FNDC7: variants seen among roughly 807,000 people sequenced by gnomAD.
FNDC7 encodes the protein fibronectin type III domain containing 7.
Under a neutral mutation model 74.2 loss-of-function variants are expected in FNDC7, and 66 were observed. The ratio of observed to expected loss-of-function variants is 0.89; its 90% CI spans 0.73 to 1.09. The LOEUF is 1.09. Among genes scored for constraint, FNDC7 ranks in the 50% least tolerant of loss-of-function variants. The pLI is 0.00. For missense variants in FNDC7, 829 were observed against 893.4 expected, an observed-to-expected ratio of 0.93 and a Z score of 0.92; for synonymous variants, 307 against 330.2, an observed-to-expected ratio of 0.93 and a Z score of 0.76.
chr1:108,716,452 G>C (rs1215993261), intron 2 of FNDC7, among the ~76,000 whole-genome samples: 4 of 150,450 alleles, frequency 2.7e-5, no homozygotes, highest in Non-Finnish European at 5.9e-5. Context: ...TATAGAATTG[G>C]CTTCCACTGG....
chr1:108,741,851 G>A lies in FNDC7; in HGVS notation c.*37+10G>A, dbSNP rs376316830. The A allele has an allele frequency of 7.5e-5, 120 of 1,590,628 alleles. No individual in the cohort carries two copies. Among genetic ancestry groups the A allele is most frequent in the Admixed American group, 1.4e-4 (8 of 58,454 alleles). On this transcript the variant is annotated intron_variant, in intron 12 of 12. Coordinates refer to ENST00000370017, the MANE Select transcript of FNDC7 (RefSeq NM_001144937.3). ...ACAAAAACTTGACCAAGTGAGTAACGTAAATTGATTTTGTGTGATTTTATG... is the reference window on the plus strand; with the variant it reads ...ACAAAAACTTGACCAAGTGAGTAACATAAATTGATTTTGTGTGATTTTATG...
chr1:108,728,511 C>A, intron 7 of FNDC7, 121 bp from the exon 8 acceptor site: 1 of 1,147,706 alleles, frequency 8.7e-7, no homozygotes, highest in Non-Finnish European at 1.3e-6. Flanking sequence ...ATTTGGCCCG[C>A]ATGCATGACG....
intron 2 of FNDC7, among the ~76,000 whole-genome samples, chr1:108,715,569 A>T (rs1227022805): frequency 2.0e-5 from 3 of 152,084 alleles, no homozygotes; most frequent in South Asian, 4.1e-4. Context: ...TCCCACTTTC[A>T]CAGGACCCCT....
At chr1:108,720,143 C>T (rs930813921) in intron 4 of FNDC7, among the ~76,000 whole-genome samples, 2 of 152,166 alleles carry the variant, frequency 1.3e-5, no homozygotes, top group African/African-American at 4.8e-5. Flanking sequence ...GGCTGGCTTG[C>T]TTTCTTCCCT....
intron 4 of FNDC7, among the ~76,000 whole-genome samples, chr1:108,721,950 C>CT (rs1661101666): frequency 1.3e-5 from 2 of 152,158 alleles, no homozygotes; most frequent in African/African-American, 2.4e-5. Context: ...CCACGTGGCC[C>CT]TTTTAGTTCT....
At chr1:108,727,692 T>C in intron 6 of FNDC7, 116 bp from the exon 7 acceptor site, 1 of 1,242,738 alleles carries the variant, frequency 8.0e-7, no homozygotes, top group Non-Finnish European at 1.1e-6. Context: ...GGAGTCACTG[T>C]AGTCATCAGG....
intron 10 of FNDC7, among the ~76,000 whole-genome samples, chr1:108,736,299 T>C (rs1171722305): frequency 2.0e-5 from 3 of 152,158 alleles, no homozygotes; most frequent in Admixed American, 6.5e-5. Flanking sequence ...CCAAGAGAAC[T>C]CTACTGGCCC....
intron 10 of FNDC7, among the ~76,000 whole-genome samples, chr1:108,735,887 C>A (rs1313984828): frequency 6.6e-6 from 1 of 152,138 alleles, no homozygotes; most frequent in African/African-American, 2.4e-5. Flanking sequence ...CTCAATGCAG[C>A]CTTGACCTCC....
At position 108,727,947 on chromosome 1, in the gene FNDC7, T is replaced by C; in HGVS notation, c.1251T>C (p.Thr417=). ...DGYNMVECND[T]TPACTLSALE... ...ACAACATGGTTGAGTGCAATGACAC[T>C]ACTCCTGCGTGCACCCTTTCGGCTC... The change falls in exon 7 of 13, where the codon ACT becomes ACC. Residue 417 remains threonine (T), a synonymous_variant. Transcript: ENST00000370017. The C allele has an allele frequency of 6.2e-7, 1 of 1,614,180 alleles. No homozygotes were observed. The highest frequency in any genetic ancestry group is 2.2e-5 in the East Asian group (1 of 44,880).
chr1:108,733,920 G>A (rs925017444), intron 10 of FNDC7, among the ~76,000 whole-genome samples: 1 of 152,152 alleles, frequency 6.6e-6, no homozygotes, highest in African/African-American at 2.4e-5. Context: ...AAAGTGCTGG[G>A]ATTACAGGCA....
chr1:108,735,809 T>G (rs1661500482), intron 10 of FNDC7, among the ~76,000 whole-genome samples: 2 of 152,008 alleles, frequency 1.3e-5, no homozygotes, highest in South Asian at 2.1e-4. Context: ...GGGGTTTTTT[T>G]GTTTGTTTTT....
Position 108,728,743 on chromosome 1 carries a change from AGAAAG to A in FNDC7, c.1484_1488del (p.Lys495ThrfsTer88). 11 of 1,614,250 alleles carry A rather than the reference AGAAAG, an allele frequency of 6.8e-6. No individual in the cohort carries two copies. The highest frequency in any genetic ancestry group is 9.3e-6 in the Non-Finnish European group (11 of 1,180,044). On this transcript the variant is annotated frameshift_variant, in exon 8 of 13. Transcript: ENST00000370017. LOFTEE classifies it high-confidence loss of function. The stretch of plus-strand genomic sequence containing the variant: ...ACTTACACGGTGACTGCCCAAGGGG[AGAAAG>A]GACTGTATCAGTGCAGCAGCACAGG...
chr1:108,736,171 T>C (rs1227413039), intron 10 of FNDC7, among the ~76,000 whole-genome samples: 1 of 152,192 alleles, frequency 6.6e-6, no homozygotes, highest in African/African-American at 2.4e-5. Context: ...TTCTCTAGTC[T>C]AGGCATCTGG....
rs4484951 is a variant in FNDC7, at chr1:108,727,941, T to C, written c.1245T>C (p.Asn415=). ...ATGGGTACAACATGGTTGAGTGCAA[T>C]GACACTACTCCTGCGTGCACCCTTT... ...AVDGYNMVEC[N]DTTPACTLSA... The change falls in exon 7 of 13, where the codon AAT becomes AAC. Residue 415 remains asparagine (N), a synonymous_variant. Transcript: ENST00000370017. 31,672 of 1,614,162 alleles carry C rather than the reference T, an allele frequency of 0.02. 573 individuals are homozygous for C. Among genetic ancestry groups the C allele is most frequent in the African/African-American group, 0.095 (7,153 of 75,016 alleles).
chr1:108,727,735 G>T (rs1283333054), intron 6 of FNDC7, 73 bp from the exon 7 acceptor site: 18 of 1,564,752 alleles, frequency 1.2e-5, no homozygotes, highest in African/African-American at 4.0e-5. Flanking sequence ...GGCATGGGAG[G>T]TCAGGACACA....
At chr1:108,738,742 T>A (rs1273446780) in intron 11 of FNDC7, among the ~76,000 whole-genome samples, 1 of 152,172 alleles carries the variant, frequency 6.6e-6, no homozygotes, top group Non-Finnish European at 1.5e-5. Context: ...CCCAGTCTAT[T>A]GCTTCTCTGA....
chr1:108,731,371 C>T (rs1182194875), intron 9 of FNDC7, among the ~76,000 whole-genome samples: 1 of 152,234 alleles, frequency 6.6e-6, no homozygotes, highest in Admixed American at 6.5e-5. Flanking sequence ...AGAGCAAAGA[C>T]ATCTGTCTAC....
chr1:108,719,555 GT>G (rs1296686138), intron 4 of FNDC7, among the ~76,000 whole-genome samples: 1 of 152,226 alleles, frequency 6.6e-6, no homozygotes, highest in African/African-American at 2.4e-5. Context: ...TTTCAGATCT[GT>G]TTCCCAAAGG....
rs377221440 is a variant in FNDC7 at position 108,717,936 on chromosome 1, C to A, written c.242C>A (p.Thr81Lys). The change falls in exon 3 of 13, where the codon ACG becomes AAG. Residue 81 changes from threonine (T) to lysine (K), a missense_variant. Thr to Lys is a moderately conservative substitution (Grantham distance 78). Coordinates refer to ENST00000370017, the MANE Select transcript of FNDC7 (RefSeq NM_001144937.3). ...GTGGCCAATTCCCCAGGCACTGTGA[C>A]GGGACTAAAGGCTGCAACCTGGTAT... The part of the protein sequence containing the change: ...TTVANSPGTV[T>K]GLKAATWYEI... 8.4e-6 allele frequency: 13 copies of A among 1,551,714 alleles called. No homozygotes were observed. The highest frequency in any genetic ancestry group is 1.1e-5 in the Non-Finnish European group (13 of 1,147,010).
Sources: allele counts gnomAD v4.1 joint callset (sites outside exome capture counted in the v4.1 genomes callset), GRCh38; gene constraint gnomAD v4.1.1; transcripts MANE v1.5; gene names NCBI Gene and HGNC (gene_info 2026-07-23, HGNC 2026-07-21).